Variants in ELP3 observed in about 807,000 individuals in gnomAD.
ELP3 encodes the protein elongator complex protein 3.
Under a neutral mutation model 74.9 loss-of-function variants are expected in ELP3, and 56 were observed. The ratio of observed to expected loss-of-function variants is 0.75; its 90% CI spans 0.60 to 0.93. The LOEUF (loss-of-function observed/expected upper bound fraction) is 0.93. Among genes scored for constraint, ELP3 ranks in the 40% least tolerant of loss-of-function variants. ELP3 has a pLI of 0.00. For synonymous variants in ELP3, 222 were observed against 239.8 expected (o/e 0.93, Z 0.68); for missense variants, 573 against 686.5 (o/e 0.83, Z 1.85).
At chr8:28,164,523 T>G (rs577847370) in intron 14 of ELP3, among the ~76,000 whole-genome samples, 12 of 152,258 alleles carry the variant, frequency 7.9e-5, no homozygotes, top group Middle Eastern at 3.4e-3. Flanking sequence ...CTTGGGACTC[T>G]AGTGAGTTCA....
intron 2 of ELP3, among the ~76,000 whole-genome samples, chr8:28,098,614 G>A (rs1376346591): frequency 2.0e-5 from 3 of 151,832 alleles, no homozygotes; most frequent in African/African-American, 7.3e-5. Context: ...CTTAAAACTC[G>A]CCCCTCCTCA....
chr8:28,164,304 C>G (rs192667831), intron 14 of ELP3, among the ~76,000 whole-genome samples: 16 of 152,328 alleles, frequency 1.1e-4, no homozygotes, highest in African/African-American at 3.6e-4. Context: ...TCTGCCATAT[C>G]TATCTCCCTA....
At chr8:28,092,261 C>T (rs1412336223), upstream of ELP3, among the ~76,000 whole-genome samples, 1 of 152,122 alleles carries the variant, frequency 6.6e-6, no homozygotes, top group African/African-American at 2.4e-5. Context: ...GACAGGGTCT[C>T]GCTCTGTCGT....
chr8:28,160,944 C>T (rs1307258924), intron 13 of ELP3, among the ~76,000 whole-genome samples: 3 of 152,190 alleles, frequency 2.0e-5, no homozygotes, highest in African/African-American at 7.2e-5. Flanking sequence ...ATCCACCCAC[C>T]TTGGCCTCCC....
intron 11 of ELP3, 25 bp from the exon 12 acceptor site, chr8:28,158,543 C>A (rs371536612): frequency 6.3e-7 from 1 of 1,595,470 alleles, no homozygotes; most frequent in Non-Finnish European, 8.6e-7. Context: ...CCCCCAACCC[C>A]GCTCACGCCA....
intron 14 of ELP3, among the ~76,000 whole-genome samples, chr8:28,171,507 T>C (rs1442599137): frequency 6.6e-6 from 1 of 152,190 alleles, no homozygotes; most frequent in Admixed American, 6.5e-5. Flanking sequence ...ATTTCTTAAC[T>C]GGATTGTTTG....
At chr8:28,159,026 A>G (rs1813960319) in intron 12 of ELP3, among the ~76,000 whole-genome samples, 1 of 152,238 alleles carries the variant, frequency 6.6e-6, no homozygotes, top group African/African-American at 2.4e-5. Flanking sequence ...ACTACGAGCT[A>G]CATTTGGGAA....
At chr8:28,119,378 TTC>T (rs1812264066) in intron 7 of ELP3, among the ~76,000 whole-genome samples, 1 of 151,894 alleles carries the variant, frequency 6.6e-6, no homozygotes. Context: ...TATCTGTCAG[TTC>T]CACTATCCAT....
chr8:28,125,808 A>T (rs936590474), intron 7 of ELP3, among the ~76,000 whole-genome samples: 21 of 96,768 alleles, frequency 2.2e-4, no homozygotes, highest in African/African-American at 8.7e-4. Context: ...CCCCAGCTAG[A>T]TTGTTAAGCA....
chr8:28,106,508 C>T (rs1433847385), intron 3 of ELP3, among the ~76,000 whole-genome samples: 1 of 146,666 alleles, frequency 6.8e-6, no homozygotes, highest in Non-Finnish European at 1.5e-5. Flanking sequence ...CCACTGCACT[C>T]CAGCCTGGGC....
rs1296696062 is a variant in ELP3, at chr8:28,093,161, C to T, written c.-54C>T. On this transcript the variant is annotated 5_prime_UTR_variant, in exon 1 of 15. Coordinates refer to ENST00000256398, the MANE Select transcript of ELP3 (RefSeq NM_018091.6). ...TGTGGCTGTCAGCTTTCCCCGTGGTCTGAGTTTGTGGCTGCATTTTTATCT... is the reference window on the plus strand; with the variant it reads ...TGTGGCTGTCAGCTTTCCCCGTGGTTTGAGTTTGTGGCTGCATTTTTATCT... 6.2e-7 allele frequency: 1 copy of T among 1,604,222 alleles called. No homozygotes were observed. Among genetic ancestry groups the T allele is most frequent in the East Asian group, 2.2e-5 (1 of 44,524 alleles).
At chr8:28,125,474 A>G (rs1426724046) in intron 7 of ELP3, among the ~76,000 whole-genome samples, 2 of 152,184 alleles carry the variant, frequency 1.3e-5, no homozygotes, top group African/African-American at 4.8e-5. Flanking sequence ...GCCACGAATT[A>G]TTTGTAATGA....
intron 5 of ELP3, among the ~76,000 whole-genome samples, chr8:28,108,723 T>C (rs2874904): frequency 0.59 from 89,215 of 152,042 alleles, 28,152 homozygotes; most frequent in East Asian, 0.92. Context: ...TCCCAAAATG[T>C]TGGGATTACA....
chr8:28,105,083 TA>T (rs1179086572), intron 3 of ELP3, among the ~76,000 whole-genome samples: 4 of 152,120 alleles, frequency 2.6e-5, no homozygotes, highest in Non-Finnish European at 5.9e-5. Context: ...TCTAGCACAA[TA>T]AAATGTTCCA....
chr8:28,163,643 A>G (rs966886984), intron 14 of ELP3, among the ~76,000 whole-genome samples: 6 of 152,192 alleles, frequency 3.9e-5, no homozygotes, highest in Non-Finnish European at 5.9e-5. Flanking sequence ...CCTGTAATTA[A>G]AAAAGGTTTA....
intron 7 of ELP3, among the ~76,000 whole-genome samples, chr8:28,118,193 T>C (rs550492756): frequency 6.6e-6 from 1 of 152,228 alleles, no homozygotes; most frequent in African/African-American, 2.4e-5. Context: ...AAATGATGTA[T>C]TGTGACCTAT....
intron 9 of ELP3, among the ~76,000 whole-genome samples, chr8:28,133,028 C>G (rs527887555): frequency 6.6e-6 from 1 of 152,102 alleles, no homozygotes; most frequent in South Asian, 2.1e-4. Context: ...AGAGTTATAA[C>G]AATTTATACT....
intron 6 of ELP3, among the ~76,000 whole-genome samples, chr8:28,112,320 A>G (rs940743671): frequency 6.6e-6 from 1 of 151,994 alleles, no homozygotes; most frequent in African/African-American, 2.4e-5. Flanking sequence ...TTTAGTAGAG[A>G]CGGGGTTTCA....
upstream of ELP3, among the ~76,000 whole-genome samples, chr8:28,091,641 G>C (rs1256605789): frequency 1.3e-5 from 2 of 152,118 alleles, no homozygotes; most frequent in Non-Finnish European, 2.9e-5. Flanking sequence ...ATCATAGATG[G>C]GTTTCAGGAA....
Sources: allele counts gnomAD v4.1 joint callset (sites outside exome capture counted in the v4.1 genomes callset), GRCh38; gene constraint gnomAD v4.1.1; transcripts MANE v1.5; gene names NCBI Gene and HGNC (gene_info 2026-07-23, HGNC 2026-07-21).